The following RAB38 variants were observed in gnomAD, a reference collection of about 807,000 sequenced individuals.
RAB38 encodes ras-related protein Rab-38.
In RAB38, 15 loss-of-function variants were observed where a neutral mutation model predicts 18.4. The ratio of observed to expected loss-of-function variants is 0.82; its 90% CI spans 0.55 to 1.26. The LOEUF is 1.26. RAB38 is among the 50% of genes most tolerant of loss of function. The probability of loss-of-function intolerance (pLI) is 0.00; values close to 1 mark genes in which losing one functional copy is unlikely to be tolerated. For synonymous variants in RAB38, 101 were observed against 104.4 expected (o/e 0.97, Z 0.20); for missense variants, 294 against 267.4 (o/e 1.10, Z -0.69).
chr11:87,867,733 G>T, the RAB38 span, among the ~76,000 whole-genome samples: 1 of 151,706 alleles, frequency 6.6e-6, no homozygotes, highest in African/African-American at 2.4e-5. Flanking sequence ...CCCTGTATCA[G>T]ATACTATTCT....
the RAB38 span, among the ~76,000 whole-genome samples, chr11:87,864,298 A>ATACTG: frequency 1.3e-5 from 2 of 150,548 alleles, no homozygotes; most frequent in East Asian, 2.0e-4. Flanking sequence ...ATACTATACT[A>ATACTG]TGCTGTACTA....
the RAB38 span, among the ~76,000 whole-genome samples, chr11:88,066,683 T>C: frequency 6.6e-6 from 1 of 152,168 alleles, no homozygotes. Flanking sequence ...CTTGAATATA[T>C]CATCTGAACA....
chr11:88,101,616 T>C, the RAB38 span, among the ~76,000 whole-genome samples: 1,285 of 152,004 alleles, frequency 8.5e-3, 17 homozygotes, highest in African/African-American at 0.03. Flanking sequence ...GAATTTTGCA[T>C]TCATTTTATG....
At chr11:88,100,607 A>G in the RAB38 span, among the ~76,000 whole-genome samples, 1 of 152,008 alleles carries the variant, frequency 6.6e-6, no homozygotes. Context: ...TGTTATTAGA[A>G]TTATAGTTTA....
At chr11:88,111,550 G>A (rs1942473950), downstream of RAB38, among the ~76,000 whole-genome samples, 1 of 152,128 alleles carries the variant, frequency 6.6e-6, no homozygotes. Flanking sequence ...ATTTTCTTAA[G>A]TAGATTATTA....
the RAB38 span, among the ~76,000 whole-genome samples, chr11:87,887,212 G>A: frequency 1.3e-5 from 2 of 151,928 alleles, no homozygotes; most frequent in South Asian, 2.1e-4. Flanking sequence ...GCAGTGAGTG[G>A]TTTATTTGAA....
chr11:88,078,056 C>A, the RAB38 span, among the ~76,000 whole-genome samples: 3 of 151,962 alleles, frequency 2.0e-5, no homozygotes, highest in African/African-American at 7.2e-5. Flanking sequence ...AAATAGTCAA[C>A]AGGTATATTA....
the RAB38 span, among the ~76,000 whole-genome samples, chr11:87,869,624 T>C: frequency 1.6e-4 from 25 of 151,788 alleles, no homozygotes; most frequent in African/African-American, 5.3e-4. Context: ...TTTACTATAT[T>C]CAAGTATTTG....
At chr11:88,133,731 C>CT (rs1303706280) in intron 2 of RAB38, among the ~76,000 whole-genome samples, 1 of 152,130 alleles carries the variant, frequency 6.6e-6, no homozygotes, top group African/African-American at 2.4e-5. Context: ...TATAATCTGA[C>CT]TTTTTTTCTT....
At chr11:88,111,163 C>CCTTTA (rs1942468613), downstream of RAB38, among the ~76,000 whole-genome samples, 1 of 152,142 alleles carries the variant, frequency 6.6e-6, no homozygotes, top group Non-Finnish European at 1.5e-5. Context: ...AGTGCAATAA[C>CCTTTA]TCAGACATTT....
At chr11:87,822,153 GA>G in the RAB38 span, among the ~76,000 whole-genome samples, 269 of 144,992 alleles carry the variant, frequency 1.9e-3, 4 homozygotes, top group Non-Finnish European at 2.4e-3. Context: ...AAAAGTGTAA[GA>G]AAAAAAAAAT....
At chr11:88,108,524 G>A (rs185470918), downstream of RAB38, among the ~76,000 whole-genome samples, 7 of 152,072 alleles carry the variant, frequency 4.6e-5, no homozygotes, top group East Asian at 5.8e-4. Flanking sequence ...TTTATTTTGA[G>A]CCTATGTGTG....
the RAB38 span, among the ~76,000 whole-genome samples, chr11:88,107,235 ATTT>A: frequency 6.6e-6 from 1 of 151,948 alleles, no homozygotes; most frequent in African/African-American, 2.4e-5. Flanking sequence ...ATTTGAGAAC[ATTT>A]TTCTCATCCC....
the RAB38 span, among the ~76,000 whole-genome samples, chr11:87,966,034 C>T: frequency 2.0e-5 from 3 of 152,034 alleles, no homozygotes; most frequent in African/African-American, 7.2e-5. Context: ...AGACATCAAG[C>T]CCAGGAAAGG....
chr11:87,977,724 T>C, the RAB38 span, among the ~76,000 whole-genome samples: 1 of 84,684 alleles, frequency 1.2e-5, no homozygotes, highest in African/African-American at 4.9e-5. Flanking sequence ...TTATATATTA[T>C]ATGACATATG....
the RAB38 span, among the ~76,000 whole-genome samples, chr11:88,076,956 C>CAAAAAAAAAAAAA: frequency 2.3e-5 from 1 of 42,914 alleles, no homozygotes. Flanking sequence ...GAGACTCCAT[C>CAAAAAAAAAAAAA]AAAAAAAAAA....
At chr11:88,077,916 T>A in the RAB38 span, among the ~76,000 whole-genome samples, 1 of 152,052 alleles carries the variant, frequency 6.6e-6, no homozygotes, top group Non-Finnish European at 1.5e-5. Flanking sequence ...AAGGAGTTAA[T>A]AACCAGAATA....
the RAB38 span, among the ~76,000 whole-genome samples, chr11:87,940,667 G>A: frequency 4.6e-5 from 7 of 151,906 alleles, no homozygotes; most frequent in African/African-American, 1.7e-4. Context: ...AGAAAGAGAT[G>A]GAGTCTCACT....
At chr11:87,855,851 C>G in the RAB38 span, among the ~76,000 whole-genome samples, 1 of 151,950 alleles carries the variant, frequency 6.6e-6, no homozygotes, top group South Asian at 2.1e-4. Flanking sequence ...ATTAGGATAG[C>G]CTTGGTATTT....
Sources: allele counts gnomAD v4.1 joint callset (sites outside exome capture counted in the v4.1 genomes callset), GRCh38; gene constraint gnomAD v4.1.1; transcripts MANE v1.5; gene names NCBI Gene and HGNC (gene_info 2026-07-23, HGNC 2026-07-21).